Variants in MAF observed in about 807,000 individuals in gnomAD.
MAF encodes MAF bZIP transcription factor, also known as transcription factor Maf.
A neutral mutation model predicts 22.0 loss-of-function variants in MAF; 10 were observed. The ratio of observed to expected loss-of-function variants is 0.45; its 90% CI spans 0.28 to 0.77. MAF has a LOEUF of 0.77. MAF is among the 30% of genes least tolerant of loss of function. The pLI is 0.12. For synonymous variants in MAF, 337 were observed against 255.8 expected (o/e 1.32, Z -3.03); for missense variants, 544 against 548.4 (o/e 0.99, Z 0.08).
chr16:79,455,337 C>T, the MAF span, among the ~76,000 whole-genome samples: 1,283 of 152,176 alleles, frequency 8.4e-3, 23 homozygotes, highest in African/African-American at 0.029. Context: ...CCTTTAAAAA[C>T]GATGCTCTTT....
At chr16:79,433,274 A>AT in the MAF span, among the ~76,000 whole-genome samples, 10 of 141,292 alleles carry the variant, frequency 7.1e-5, no homozygotes, top group East Asian at 2.0e-4. Context: ...AAGTAAAAAA[A>AT]AAAATATATA....
At chr16:79,529,403 C>A in the MAF span, among the ~76,000 whole-genome samples, 1 of 152,184 alleles carries the variant, frequency 6.6e-6, no homozygotes, top group Admixed American at 6.5e-5. Context: ...ATTAAAGGAA[C>A]ACATCCGCCA....
At chr16:79,592,899 T>G (rs1201684986), downstream of MAF, among the ~76,000 whole-genome samples, 3 of 152,218 alleles carry the variant, frequency 2.0e-5, no homozygotes, top group Non-Finnish European at 4.4e-5. Context: ...ATCAGCAAAG[T>G]GAAGCTGGTA....
At chr16:79,323,859 A>G in the MAF span, among the ~76,000 whole-genome samples, 1 of 152,188 alleles carries the variant, frequency 6.6e-6, no homozygotes, top group Non-Finnish European at 1.5e-5. Context: ...GGGGAAAGTG[A>G]CCATGAACTT....
At chr16:79,584,635 G>A (rs907591996), downstream of MAF, among the ~76,000 whole-genome samples, 4 of 152,158 alleles carry the variant, frequency 2.6e-5, no homozygotes, top group Admixed American at 6.5e-5. Flanking sequence ...TATTTAATAG[G>A]AGGTTTTCAC....
At chr16:79,294,319 T>C in the MAF span, among the ~76,000 whole-genome samples, 1 of 152,226 alleles carries the variant, frequency 6.6e-6, no homozygotes, top group African/African-American at 2.4e-5. Context: ...ATGACAATCA[T>C]TGCTGTTAGA....
At chr16:79,414,429 G>A in the MAF span, among the ~76,000 whole-genome samples, 1 of 152,118 alleles carries the variant, frequency 6.6e-6, no homozygotes, top group Non-Finnish European at 1.5e-5. Flanking sequence ...AAATCAATCA[G>A]ATCTCATGTG....
chr16:79,374,994 A>G, the MAF span, among the ~76,000 whole-genome samples: 1 of 152,152 alleles, frequency 6.6e-6, no homozygotes, highest in South Asian at 2.1e-4. Flanking sequence ...TTGTGAATAG[A>G]GTGTTAGTTC....
At chr16:79,369,477 G>A in the MAF span, among the ~76,000 whole-genome samples, 1 of 152,180 alleles carries the variant, frequency 6.6e-6, no homozygotes, top group African/African-American at 2.4e-5. Flanking sequence ...GAGGACAGGA[G>A]GATCCTCTGA....
chr16:79,520,497 G>C, the MAF span, among the ~76,000 whole-genome samples: 84 of 152,248 alleles, frequency 5.5e-4, no homozygotes, highest in Non-Finnish European at 1.1e-3. Flanking sequence ...GTGTGTGTGT[G>C]TGTGCTTGCA....
the MAF span, among the ~76,000 whole-genome samples, chr16:79,496,197 G>C: frequency 2.6e-5 from 4 of 152,176 alleles, no homozygotes; most frequent in African/African-American, 9.7e-5. Context: ...TACGTGTCAT[G>C]TCAGATGGAA....
chr16:79,396,388 G>T, the MAF span, among the ~76,000 whole-genome samples: 1 of 152,176 alleles, frequency 6.6e-6, no homozygotes, highest in African/African-American at 2.4e-5. Context: ...AAGGAGTTTT[G>T]CTCTCATGGT....
chr16:79,592,194 A>G (rs1913228602), downstream of MAF, among the ~76,000 whole-genome samples: 1 of 152,128 alleles, frequency 6.6e-6, no homozygotes, highest in South Asian at 2.1e-4. Context: ...ATGCAAAGCA[A>G]TTTGATTTGT....
rs1463780195 is a variant in MAF at position 79,597,903 on chromosome 16, TGA to T, written c.1118+880_1118+881del. 7 of 1,037,642 alleles carry T rather than the reference TGA, an allele frequency of 6.7e-6. No homozygotes were observed. The Admixed American group carries it at 2.8e-4, about 42-fold the overall frequency. The allele number at this position is 1,037,642 out of a possible 1,614,324, so 64.3% of individuals were successfully genotyped here. ...GTAGCAAGCATAATAATGCATGAGA[TGA>T]GAATGAGTTTTTTTAATGGCAGACT... On this transcript the variant is annotated intron_variant, in intron 1 of 1. Coordinates refer to ENST00000326043, the MANE Select transcript of MAF (RefSeq NM_005360.5).
At chr16:79,212,250 G>T in the MAF span, 1 of 1,332,180 alleles carries the variant, frequency 7.5e-7, no homozygotes, top group Non-Finnish European at 9.9e-7. Flanking sequence ...ATTGATCCAG[G>T]AGATAATTGT....
At chr16:79,519,859 C>T in the MAF span, among the ~76,000 whole-genome samples, 9 of 152,324 alleles carry the variant, frequency 5.9e-5, no homozygotes, top group South Asian at 2.1e-4. Flanking sequence ...AGTCCTGGAC[C>T]CTGTTGACTG....
the MAF span, among the ~76,000 whole-genome samples, chr16:79,562,100 T>G: frequency 8.5e-5 from 13 of 152,174 alleles, no homozygotes; most frequent in African/African-American, 2.9e-4. Flanking sequence ...CATTCCCCCT[T>G]TCCATCCCTA....
the MAF span, among the ~76,000 whole-genome samples, chr16:79,268,209 C>G: frequency 6.6e-6 from 1 of 152,054 alleles, no homozygotes; most frequent in Non-Finnish European, 1.5e-5. Context: ...TTGGAATCAG[C>G]TACCCCCTCT....
the MAF span, among the ~76,000 whole-genome samples, chr16:79,444,142 G>T: frequency 1.3e-5 from 2 of 151,872 alleles, no homozygotes; most frequent in Admixed American, 6.6e-5. Context: ...AAAGCAAAAT[G>T]AAAATATGTA....
Sources: allele counts gnomAD v4.1 joint callset (sites outside exome capture counted in the v4.1 genomes callset), GRCh38; gene constraint gnomAD v4.1.1; transcripts MANE v1.5; gene names NCBI Gene and HGNC (gene_info 2026-07-23, HGNC 2026-07-21).